Variants in PHACTR1 observed in about 807,000 individuals in gnomAD.
The protein encoded by PHACTR1 is phosphatase and actin regulator 1.
Under a neutral mutation model 69.2 loss-of-function variants are expected in PHACTR1, and 16 were observed. The observed-to-expected ratio is 0.23, with a 90% CI of 0.16 to 0.35. The LOEUF (loss-of-function observed/expected upper bound fraction) is 0.35, where lower values mean the gene tolerates loss of function less well. PHACTR1 is among the 10% of genes least tolerant of loss of function. The pLI is 1.00. For synonymous variants in PHACTR1, 312 were observed against 284.5 expected (o/e 1.10, Z -0.97); for missense variants, 510 against 734.7 (o/e 0.69, Z 3.54).
intron 4 of PHACTR1, among the ~76,000 whole-genome samples, chr6:12,822,180 T>G (rs1776302539): frequency 6.6e-6 from 1 of 152,176 alleles, no homozygotes; most frequent in African/African-American, 2.4e-5. Flanking sequence ...TTGGAGTCAC[T>G]GGACTCCTGT....
intron 5 of PHACTR1, among the ~76,000 whole-genome samples, chr6:13,078,329 T>G (rs1810861501): frequency 6.6e-6 from 1 of 152,188 alleles, no homozygotes; most frequent in African/African-American, 2.4e-5. Flanking sequence ...TCTCCAAATT[T>G]CCCTTTTTTG....
At chr6:12,786,927 C>T (rs1356999426) in intron 4 of PHACTR1, among the ~76,000 whole-genome samples, 4 of 152,140 alleles carry the variant, frequency 2.6e-5, no homozygotes, top group Admixed American at 1.3e-4. Context: ...TATGCCCTAC[C>T]TTCTATTACT....
intron 7 of PHACTR1, among the ~76,000 whole-genome samples, chr6:13,192,128 G>C (rs1031787623): frequency 1.3e-5 from 2 of 152,206 alleles, no homozygotes; most frequent in African/African-American, 4.8e-5. Context: ...TACAAAAATG[G>C]TTAAGGCCAT....
chr6:12,755,013 A>T (rs758255850), intron 4 of PHACTR1, among the ~76,000 whole-genome samples: 2 of 152,222 alleles, frequency 1.3e-5, no homozygotes, highest in African/African-American at 2.4e-5. Context: ...TGTAATTAAC[A>T]CTATGAGTAA....
intron 4 of PHACTR1, among the ~76,000 whole-genome samples, chr6:12,810,857 A>C (rs750266257): frequency 1.8e-4 from 27 of 152,048 alleles, no homozygotes; most frequent in Non-Finnish European, 3.4e-4. Context: ...TGTCTTCTCC[A>C]TATGTCTCTC....
chr6:13,025,120 T>C (rs1283232526), intron 4 of PHACTR1, among the ~76,000 whole-genome samples: 1 of 151,846 alleles, frequency 6.6e-6, no homozygotes, highest in Non-Finnish European at 1.5e-5. Context: ...CCGGGCATGG[T>C]GGTGCGTGCC....
At chr6:12,782,175 T>G (rs990841331) in intron 4 of PHACTR1, among the ~76,000 whole-genome samples, 1 of 152,218 alleles carries the variant, frequency 6.6e-6, no homozygotes, top group African/African-American at 2.4e-5. Context: ...GCTGAGCTTT[T>G]GTATCAAGGC....
Position 13,266,315 on chromosome 6 carries a change from C to T in PHACTR1, c.1392-6545C>T, listed in dbSNP as rs754891996. On this transcript the variant is annotated intron_variant, in intron 10 of 14. Coordinates refer to ENST00000332995, the MANE Select transcript of PHACTR1 (RefSeq NM_030948.6). Reference sequence around the variant, plus strand: ...TGCCAAGCCTCCCAAAGCCTCTGCTCGGGTTTCCTCTTGCCTCCCCCAATC... The same window carrying T: ...TGCCAAGCCTCCCAAAGCCTCTGCTTGGGTTTCCTCTTGCCTCCCCCAATC... Among the ~76,000 whole-genome samples, 42 of 152,134 alleles carry T rather than the reference C, an allele frequency of 2.8e-4. 1 individual carries two copies. The highest frequency in any genetic ancestry group is 5.9e-4 in the Admixed American group (9 of 15,258).
chr6:13,223,660 G>A (rs1769058684), intron 8 of PHACTR1, among the ~76,000 whole-genome samples: 1 of 152,104 alleles, frequency 6.6e-6, no homozygotes, highest in South Asian at 2.1e-4. Context: ...AATACAGTAG[G>A]TTCAAATTTC....
At chr6:13,003,485 A>T (rs1798336061) in intron 4 of PHACTR1, among the ~76,000 whole-genome samples, 1 of 152,204 alleles carries the variant, frequency 6.6e-6, no homozygotes, top group Non-Finnish European at 1.5e-5. Flanking sequence ...GTGTAAATAG[A>T]TAGATGGATA....
chr6:13,230,545 CAAAAA>C (rs59473759), intron 10 of PHACTR1: 327 of 93,632 alleles, frequency 3.5e-3, no homozygotes, highest in South Asian at 0.022. Flanking sequence ...GACTCTGTCT[CAAAAA>C]AAAAAAAAAA....
chr6:13,267,866 A>AAAAAAC (rs2127435852), intron 10 of PHACTR1: 1 of 108,730 alleles, frequency 9.2e-6, no homozygotes, highest in African/African-American at 2.9e-5. Context: ...AAAAAAAAAA[A>AAAAAAC]AAAAAAGCAG....
At chr6:12,909,915 T>A (rs978973990) in intron 4 of PHACTR1, among the ~76,000 whole-genome samples, 1 of 152,214 alleles carries the variant, frequency 6.6e-6, no homozygotes, top group African/African-American at 2.4e-5. Flanking sequence ...AAACAACCAT[T>A]GGTGATCTCT....
intron 4 of PHACTR1, among the ~76,000 whole-genome samples, chr6:13,020,550 C>T (rs1478751516): frequency 1.3e-5 from 2 of 152,122 alleles, no homozygotes. Context: ...CAAGATGGTA[C>T]TTGGGCTGAA....
At chr6:12,924,754 G>A (rs1362163640) in intron 4 of PHACTR1, among the ~76,000 whole-genome samples, 3 of 147,658 alleles carry the variant, frequency 2.0e-5, no homozygotes, top group African/African-American at 7.5e-5. Context: ...CAGCCTGGGC[G>A]ACAGAGCGAG....
chr6:12,748,453 TTAGA>T (rs757309931), intron 3 of PHACTR1, among the ~76,000 whole-genome samples: 6 of 152,232 alleles, frequency 3.9e-5, no homozygotes, highest in Admixed American at 1.3e-4. Context: ...TGGGCACTTA[TTAGA>T]TAGAAGAGTG....
At chr6:12,758,514 T>G (rs1581622145) in intron 4 of PHACTR1, among the ~76,000 whole-genome samples, 1 of 148,058 alleles carries the variant, frequency 6.8e-6, no homozygotes, top group South Asian at 2.1e-4. Flanking sequence ...TTTGACATTA[T>G]AAGCATTTTC....
At chr6:13,119,285 T>G (rs1230223784) in intron 5 of PHACTR1, among the ~76,000 whole-genome samples, 1 of 152,192 alleles carries the variant, frequency 6.6e-6, no homozygotes, top group Non-Finnish European at 1.5e-5. Context: ...TAATTTAAAC[T>G]TCTAACACTA....
chr6:13,135,609 A>G (rs1409327740), intron 5 of PHACTR1, among the ~76,000 whole-genome samples: 1 of 152,252 alleles, frequency 6.6e-6, no homozygotes, highest in Non-Finnish European at 1.5e-5. Context: ...ATTTTAAAGC[A>G]GCTGTGACCT....
Sources: allele counts gnomAD v4.1 joint callset (sites outside exome capture counted in the v4.1 genomes callset), GRCh38; gene constraint gnomAD v4.1.1; transcripts MANE v1.5; gene names NCBI Gene and HGNC (gene_info 2026-07-23, HGNC 2026-07-21).